Variants in MAMLD1 observed in about 807,000 individuals in gnomAD.
MAMLD1 encodes the protein mastermind like domain containing 1, also known as mastermind-like domain-containing protein 1.
A neutral mutation model predicts 45.0 loss-of-function variants in MAMLD1; 14 were observed. That is an observed-to-expected ratio of 0.31 (90% CI 0.21 to 0.49). The LOEUF is 0.49. Ranked by LOEUF, MAMLD1 falls within the 20% of genes least tolerant of loss-of-function variation. The pLI is 0.99. For missense variants in MAMLD1, 543 were observed against 603.6 expected, an observed-to-expected ratio of 0.90 and a Z score of 1.05; for synonymous variants, 254 against 247.8, an observed-to-expected ratio of 1.02 and a Z score of -0.24.
At chrX:150,421,360 G>A (rs935981981) in intron 1 of MAMLD1, among the ~76,000 whole-genome samples, 8 of 112,495 alleles carry the variant, frequency 7.1e-5, no homozygotes, top group African/African-American at 1.9e-4. Context: ...AGATGAACCC[G>A]GTACCTCAGA....
At chrX:150,398,299 G>A (rs988912104) in intron 1 of MAMLD1, among the ~76,000 whole-genome samples, 1 of 92,908 alleles carries the variant, frequency 1.1e-5, no homozygotes, top group Non-Finnish European at 2.1e-5. Context: ...AGAAGAAGAA[G>A]AAGAAGAAGA....
chrX:150,411,131 C>T (rs1260195482), intron 1 of MAMLD1, among the ~76,000 whole-genome samples: 1 of 111,660 alleles, frequency 9.0e-6, no homozygotes, highest in Non-Finnish European at 1.9e-5. Flanking sequence ...TCCCAGACCC[C>T]GCTAAGTCCA....
intron 2 of MAMLD1, among the ~76,000 whole-genome samples, chrX:150,446,077 C>G (rs1262847889): frequency 8.9e-6 from 1 of 111,893 alleles, no homozygotes; most frequent in Non-Finnish European, 1.9e-5. Context: ...ATCTGACACA[C>G]TTCTACTTTC....
At chrX:150,402,856 G>A (rs1011498962) in intron 1 of MAMLD1, among the ~76,000 whole-genome samples, 19 of 110,366 alleles carry the variant, frequency 1.7e-4, no homozygotes, top group African/African-American at 5.9e-4. Flanking sequence ...CTCACTCATA[G>A]GTGGGAATTG....
chrX:150,504,413 G>A, intron 6 of MAMLD1: 1 of 754,036 alleles, frequency 1.3e-6, no homozygotes, highest in Non-Finnish European at 1.6e-6. Context: ...ATTCGGCTTT[G>A]GTATGTACAG....
chrX:150,373,687 G>T, intron 1 of MAMLD1, among the ~76,000 whole-genome samples: 1 of 111,376 alleles, frequency 9.0e-6, no homozygotes, highest in East Asian at 2.8e-4. Context: ...TTTCCTTACC[G>T]GTTTCTAGAC....
At position 150,493,521 on chromosome X, in the gene MAMLD1, A is replaced by G. The variant is rs782452828; in HGVS notation, c.2041-9753A>G. ...ACATATAATAATAAAACCAACAGTC[A>G]TGTACCCACCAACCAGGTTCAGAAA... On this transcript the variant is annotated intron_variant, in intron 5 of 7. Coordinates refer to ENST00000370401, the MANE Select transcript of MAMLD1 (RefSeq NM_005491.5). Among the ~76,000 whole-genome samples, 14 of 111,759 alleles carry G rather than the reference A, an allele frequency of 1.3e-4. No individual in the cohort carries two copies. In the South Asian group the frequency reaches 3.8e-3, roughly 30 times the overall value.
chrX:150,398,305 GA>G, intron 1 of MAMLD1, among the ~76,000 whole-genome samples: 4 of 97,748 alleles, frequency 4.1e-5, no homozygotes, highest in African/African-American at 1.5e-4. Context: ...AGAAGAAGAA[GA>G]AGAAGAAGAA....
At chrX:150,404,917 T>C (rs1426878871) in intron 1 of MAMLD1, among the ~76,000 whole-genome samples, 1 of 112,227 alleles carries the variant, frequency 8.9e-6, no homozygotes, top group East Asian at 2.8e-4. Context: ...TATTTATCTA[T>C]TTACCTGTTG....
chrX:150,476,041 C>G (rs984638968), intron 5 of MAMLD1, among the ~76,000 whole-genome samples: 1 of 111,816 alleles, frequency 8.9e-6, no homozygotes, highest in Admixed American at 9.5e-5. Context: ...ACTTTTGCCC[C>G]CACATAAAAT....
At chrX:150,448,317 C>G (rs1282035404) in intron 2 of MAMLD1, among the ~76,000 whole-genome samples, 1 of 112,106 alleles carries the variant, frequency 8.9e-6, no homozygotes, top group East Asian at 2.8e-4. Flanking sequence ...CTGTAATCCT[C>G]ATGATAACCC....
At chrX:150,398,385 GGAA>G (rs1269926869) in intron 1 of MAMLD1, among the ~76,000 whole-genome samples, 28 of 99,873 alleles carry the variant, frequency 2.8e-4, no homozygotes, top group East Asian at 9.6e-4. Flanking sequence ...AAGAAGAAGA[GGAA>G]GAAGAAGAAG....
chrX:150,422,015 G>A (rs1211430980), intron 1 of MAMLD1, among the ~76,000 whole-genome samples: 3 of 112,261 alleles, frequency 2.7e-5, no homozygotes, highest in Non-Finnish European at 5.6e-5. Context: ...CAGGGATGAT[G>A]CCAGCTGGCA....
intron 2 of MAMLD1, among the ~76,000 whole-genome samples, chrX:150,449,362 G>A (rs1201263185): frequency 3.6e-5 from 4 of 111,178 alleles, no homozygotes; most frequent in Non-Finnish European, 7.5e-5. Flanking sequence ...ACGGGGGAGA[G>A]AGGAGCCCTC....
intron 1 of MAMLD1, among the ~76,000 whole-genome samples, chrX:150,387,382 G>T (rs138436672): frequency 1.3e-4 from 15 of 112,116 alleles, no homozygotes; most frequent in South Asian, 7.3e-4. Context: ...AAAGCAGTAA[G>T]AAAGCCAAAG....
At chrX:150,396,718 A>G (rs1278148788) in intron 1 of MAMLD1, among the ~76,000 whole-genome samples, 1 of 111,420 alleles carries the variant, frequency 9.0e-6, no homozygotes, top group African/African-American at 3.3e-5. Context: ...GCTACGTCCT[A>G]CCTGTGTGGG....
chrX:150,480,300 T>G (rs1312626089), intron 5 of MAMLD1, among the ~76,000 whole-genome samples: 1 of 112,339 alleles, frequency 8.9e-6, no homozygotes, highest in Non-Finnish European at 1.9e-5. Context: ...AGCACCCTGC[T>G]CCCAGATCCA....
chrX:150,473,852 C>T, intron 5 of MAMLD1, 50 bp downstream of exon 5: 1 of 1,168,347 alleles, frequency 8.6e-7, no homozygotes, highest in African/African-American at 1.8e-5. Context: ...TTTTTGTAGA[C>T]TGATTGTGTT....
chrX:150,489,270 T>C (rs1321435187), intron 5 of MAMLD1, among the ~76,000 whole-genome samples: 1 of 110,955 alleles, frequency 9.0e-6, no homozygotes, highest in African/African-American at 3.3e-5. Flanking sequence ...TGCATAGTTC[T>C]GGAGGCTGGG....
Sources: allele counts gnomAD v4.1 joint callset (sites outside exome capture counted in the v4.1 genomes callset), GRCh38; gene constraint gnomAD v4.1.1; transcripts MANE v1.5; gene names NCBI Gene and HGNC (gene_info 2026-07-23, HGNC 2026-07-21).